Variants in LMNTD1 observed in about 807,000 individuals in gnomAD.
LMNTD1 encodes lamin tail domain-containing protein 1.
LMNTD1 carries 35 observed loss-of-function variants against 50.9 expected under a neutral mutation model. That is an observed-to-expected ratio of 0.69 (90% confidence interval 0.53 to 0.91). The LOEUF is 0.91. Among genes scored for constraint, LMNTD1 ranks in the 40% least tolerant of loss-of-function variants. The pLI is 0.00. For synonymous variants in LMNTD1, 153 were observed against 161.9 expected (o/e 0.94, Z 0.42); for missense variants, 470 against 475.5 (o/e 0.99, Z 0.11).
At chr12:25,579,466 C>T (rs1305419833) in intron 1 of LMNTD1, among the ~76,000 whole-genome samples, 2 of 152,184 alleles carry the variant, frequency 1.3e-5, no homozygotes, top group Admixed American at 6.5e-5. Context: ...TGCAGAAGGT[C>T]CTGGAACCAA....
chr12:25,572,134 A>G (rs1360948292), intron 1 of LMNTD1, among the ~76,000 whole-genome samples: 4 of 152,214 alleles, frequency 2.6e-5, no homozygotes, highest in African/African-American at 9.7e-5. Context: ...ATAGGTTTCA[A>G]TCTCTTCTTC....
intron 1 of LMNTD1, among the ~76,000 whole-genome samples, chr12:25,646,621 C>T (rs1947077801): frequency 6.6e-6 from 1 of 152,098 alleles, no homozygotes; most frequent in African/African-American, 2.4e-5. Context: ...TTGATGATTG[C>T]TGGAGTAAAA....
Position 25,549,476 on chromosome 12 carries a change from T to C in LMNTD1, c.160A>G (p.Thr54Ala). The change falls in exon 3 of 10, where the codon ACA becomes GCA. Residue 54 changes from threonine (T) to alanine (A), a missense_variant. Thr to Ala is a moderately conservative substitution (Grantham distance 58, BLOSUM62 0). Coordinates refer to ENST00000458174, the MANE Select transcript of LMNTD1 (RefSeq NM_001145728.2). The part of the protein sequence containing the change: ...SPKMLGSVAT[T>A]LPLSSSNSSG... ...GAATTTGAAGATGACAATGGCAGTG[T>C]TGTGGCAACTGAACCCAACATCTTT... 3.1e-6 allele frequency: 5 copies of C among 1,613,388 alleles called. No homozygotes were observed. Among genetic ancestry groups the C allele is most frequent in the Non-Finnish European group, 4.2e-6 (5 of 1,179,516 alleles).
chr12:25,634,344 C>CA (rs1946781699), intron 1 of LMNTD1, among the ~76,000 whole-genome samples: 1 of 152,144 alleles, frequency 6.6e-6, no homozygotes, highest in African/African-American at 2.4e-5. Context: ...ATGAAGCCAG[C>CA]ATCACCCTAA....
chr12:25,489,186 C>T (rs1157040507), intron 9 of LMNTD1, among the ~76,000 whole-genome samples: 1 of 151,964 alleles, frequency 6.6e-6, no homozygotes, highest in Non-Finnish European at 1.5e-5. Flanking sequence ...GCTTTGTTTA[C>T]CTAAGCAAGC....
chr12:25,479,947 G>A (rs550142868), intron 9 of LMNTD1, among the ~76,000 whole-genome samples: 2 of 152,292 alleles, frequency 1.3e-5, no homozygotes, highest in South Asian at 4.2e-4. Context: ...CCATGTTGCT[G>A]AGCCCATGCA....
intron 4 of LMNTD1, 32 bp from the exon 5 acceptor site, chr12:25,526,987 C>A (rs771279126): frequency 6.7e-6 from 10 of 1,503,456 alleles, no homozygotes; most frequent in African/African-American, 1.4e-5. Context: ...TTGTAAGCTG[C>A]CTTCAGATAG....
rs750668939 is a variant in LMNTD1 at position 25,549,554 on chromosome 12, C to CA, written c.90-9dup. 23 of 1,453,040 alleles carry CA rather than the reference C, an allele frequency of 1.6e-5. No homozygotes were observed. Among genetic ancestry groups the CA allele is most frequent in the Non-Finnish European group, 2.0e-5 (21 of 1,055,134 alleles). 90.0% of individuals were successfully genotyped at this position (1,453,040 alleles called of 1,614,324 possible). On this transcript the variant is annotated splice_polypyrimidine_tract_variant and intron_variant, in intron 2 of 9. Coordinates refer to ENST00000458174, the MANE Select transcript of LMNTD1 (RefSeq NM_001145728.2). Reference sequence around the variant, plus strand: ...CCAAGTTTGTCTTCTCTTCTGTGTACAAAAAATATAATATAAATAAATAAA... The same window carrying CA: ...CCAAGTTTGTCTTCTCTTCTGTGTACAAAAAAATATAATATAAATAAATAAA...
chr12:25,510,961 G>A (rs1245183605), intron 8 of LMNTD1, among the ~76,000 whole-genome samples: 1 of 152,102 alleles, frequency 6.6e-6, no homozygotes, highest in African/African-American at 2.4e-5. Flanking sequence ...AGATATTACT[G>A]AGAACACATA....
chr12:25,541,179 C>A (rs1943041585), intron 4 of LMNTD1, among the ~76,000 whole-genome samples: 2 of 78,126 alleles, frequency 2.6e-5, no homozygotes, highest in African/African-American at 7.2e-5. Context: ...TCAATGCCAT[C>A]CCCATCAAGC....
At chr12:25,596,587 G>A (rs549567795) in intron 1 of LMNTD1, among the ~76,000 whole-genome samples, 2 of 152,106 alleles carry the variant, frequency 1.3e-5, no homozygotes, top group African/African-American at 4.8e-5. Context: ...CAAACATGAA[G>A]GAGAAATAAA....
intron 1 of LMNTD1, among the ~76,000 whole-genome samples, chr12:25,605,398 T>C (rs1184238320): frequency 3.9e-5 from 6 of 152,196 alleles, no homozygotes; most frequent in African/African-American, 1.2e-4. Flanking sequence ...TTCGGTGTTT[T>C]AAACATGAAG....
At chr12:25,552,531 C>T (rs1428426197) in intron 2 of LMNTD1, among the ~76,000 whole-genome samples, 5 of 128,188 alleles carry the variant, frequency 3.9e-5, no homozygotes, top group African/African-American at 5.8e-5. Flanking sequence ...GGCGTGAAAC[C>T]GGGAGGCGGA....
chr12:25,521,894 C>T (rs1172617835), intron 6 of LMNTD1, among the ~76,000 whole-genome samples: 1 of 152,198 alleles, frequency 6.6e-6, no homozygotes, highest in Non-Finnish European at 1.5e-5. Context: ...GAATATGTGA[C>T]ATGTGCACAA....
At chr12:25,568,666 G>T (rs898192513) in intron 1 of LMNTD1, among the ~76,000 whole-genome samples, 1 of 152,226 alleles carries the variant, frequency 6.6e-6, no homozygotes, top group African/African-American at 2.4e-5. Flanking sequence ...ACCTGGGGGT[G>T]CTTCTCCCCT....
At position 25,516,010 on chromosome 12, in the gene LMNTD1, A is replaced by T. The variant is rs988814074; in HGVS notation, c.1189+2785T>A. ...TTTTCCAGTAGCAGGCAAATTAAAA[A>T]GATAGTGGATAATTAACAAACCATG... On this transcript the variant is annotated intron_variant, in intron 8 of 9. Coordinates refer to ENST00000458174, the MANE Select transcript of LMNTD1 (RefSeq NM_001145728.2). 8.6e-4 allele frequency among the ~76,000 whole-genome samples: 131 copies of T among 152,300 alleles called. 1 individual carries two copies. Among genetic ancestry groups the T allele is most frequent in the African/African-American group, 3.1e-3 (127 of 41,580 alleles).
chr12:25,554,919 A>T (rs1056981483), upstream of LMNTD1, among the ~76,000 whole-genome samples: 1 of 152,030 alleles, frequency 6.6e-6, no homozygotes, highest in African/African-American at 2.4e-5. Context: ...TACAAAAATC[A>T]GCTGGGTGTG....
chr12:25,578,256 A>G (rs1277254293), intron 1 of LMNTD1, among the ~76,000 whole-genome samples: 1 of 152,178 alleles, frequency 6.6e-6, no homozygotes. Flanking sequence ...AGTTTAAATG[A>G]CACCTAGGGA....
At chr12:25,629,343 G>A (rs1333055128) in intron 1 of LMNTD1, among the ~76,000 whole-genome samples, 1 of 152,184 alleles carries the variant, frequency 6.6e-6, no homozygotes, top group Non-Finnish European at 1.5e-5. Flanking sequence ...GCAAACAAGA[G>A]GTCTGGGGCT....
Sources: allele counts gnomAD v4.1 joint callset (sites outside exome capture counted in the v4.1 genomes callset), GRCh38; gene constraint gnomAD v4.1.1; transcripts MANE v1.5; gene names NCBI Gene and HGNC (gene_info 2026-07-23, HGNC 2026-07-21).